The following ACAN variants were observed in gnomAD, a reference collection of about 807,000 sequenced individuals.
ACAN encodes the protein aggrecan core protein.
Under a neutral mutation model 169.1 loss-of-function variants are expected in ACAN, and 47 were observed. The ratio of observed to expected loss-of-function variants is 0.28; its 90% CI spans 0.22 to 0.35. The LOEUF (loss-of-function observed/expected upper bound fraction) is 0.35. ACAN is among the 10% of genes least tolerant of loss of function. ACAN has a pLI of 1.00. For synonymous variants in ACAN, 1,115 were observed against 1,112.2 expected (o/e 1.00, Z -0.05); for missense variants, 2,716 against 2,759.9 (o/e 0.98, Z 0.36).
intron 1 of ACAN, among the ~76,000 whole-genome samples, chr15:88,835,831 C>T (rs890700251): frequency 7.2e-5 from 11 of 152,282 alleles, no homozygotes; most frequent in African/African-American, 2.4e-4. Context: ...TCAATCTCAT[C>T]CAGAAACACC....
At chr15:88,825,513 A>G (rs1393302806) in intron 1 of ACAN, among the ~76,000 whole-genome samples, 2 of 152,218 alleles carry the variant, frequency 1.3e-5, no homozygotes, top group Non-Finnish European at 2.9e-5. Context: ...TGTTCTTAAG[A>G]TACCCACCTT....
intron 1 of ACAN, among the ~76,000 whole-genome samples, chr15:88,821,334 G>T (rs1468671589): frequency 6.6e-6 from 1 of 152,124 alleles, no homozygotes; most frequent in Non-Finnish European, 1.5e-5. Flanking sequence ...GAAGGGTTGG[G>T]GGATGAGGGG....
chr15:88,832,644 G>A (rs965533583), intron 1 of ACAN, among the ~76,000 whole-genome samples: 8 of 152,140 alleles, frequency 5.3e-5, no homozygotes, highest in Non-Finnish European at 4.4e-5. Flanking sequence ...TGTAGATGAT[G>A]GTCATTTTTT....
rs1346158582 is a variant in ACAN, at chr15:88,847,925, G to A, written c.1619G>A (p.Ser540Asn). 4.3e-6 allele frequency: 7 copies of A among 1,613,562 alleles called. No homozygotes were observed. In the Admixed American group the frequency reaches 8.3e-5, roughly 19 times the overall value. ...RDQTVRYPIV[S>N]PRTPCVGDKD... ...CTCCTTTGCAGATACCCCATTGTGA[G>A]CCCCCGGACCCCATGCGTGGGTGAC... The change falls in exon 9 of 19, where the codon AGC becomes AAC. Residue 540 changes from serine to asparagine, a missense_variant. Physicochemically the swap from Ser to Asn is conservative, Grantham distance 46. Around this residue, in one of 3 missense-constraint regions of ACAN, gnomAD observed 1,283 missense variants for 1,281.5 expected, o/e 1.00. Coordinates refer to ENST00000560601, the MANE Select transcript of ACAN (RefSeq NM_001369268.1).
In ACAN at chr15:88,872,183, C is replaced by G; in HGVS notation, c.7302+98C>G. 1 of 1,059,580 alleles carries G rather than the reference C, an allele frequency of 9.4e-7. No homozygotes were observed. The allele number at this position is 1,059,580 out of a possible 1,614,324, so 65.6% of individuals were successfully genotyped here. ...CATTCAAACCCCATGCAGACAGCCG[C>G]TTACCAGCTGCTGGACCGGGAACCC... On this transcript the variant is annotated intron_variant, in intron 16 of 18. Coordinates refer to ENST00000560601, the MANE Select transcript of ACAN (RefSeq NM_001369268.1). The surrounding 1 kb of genome is among the most constrained non-coding windows in gnomAD (Gnocchi z 5.4).
In ACAN at chr15:88,870,994, G is replaced by T. The variant is rs755855081; in HGVS notation, c.7061-388G>T. ...CCACAGCTCCACTCCCTCTCTCCCT[G>T]GAGCCCCCCAGAGCCACAGAACCAT... is the stretch of plus-strand genomic sequence containing the variant. On this transcript the variant is annotated intron_variant, in intron 14 of 18. Coordinates refer to ENST00000560601, the MANE Select transcript of ACAN (RefSeq NM_001369268.1). The surrounding 1 kb of genome is among the most constrained non-coding windows in gnomAD (Gnocchi z 6.3). Among the ~76,000 whole-genome samples, 1 of 152,070 alleles carries T rather than the reference G, an allele frequency of 6.6e-6. No individual in the cohort carries two copies. The highest frequency in any genetic ancestry group is 2.4e-5 in the African/African-American group (1 of 41,382).
At chr15:88,837,715 C>A (rs1896539630) in intron 2 of ACAN, among the ~76,000 whole-genome samples, 1 of 152,304 alleles carries the variant, frequency 6.6e-6, no homozygotes, top group Non-Finnish European at 1.5e-5. Context: ...GCCAGTGGGA[C>A]TGCCCAGGAC....
chr15:88,853,631 C>T (rs577311548), intron 11 of ACAN, among the ~76,000 whole-genome samples: 1 of 151,904 alleles, frequency 6.6e-6, no homozygotes, highest in South Asian at 2.1e-4. Context: ...GAGCAAGACC[C>T]TCTCTCCAAA....
At chr15:88,806,115 G>T (rs1297476431) in intron 1 of ACAN, among the ~76,000 whole-genome samples, 1 of 152,248 alleles carries the variant, frequency 6.6e-6, no homozygotes, top group South Asian at 2.1e-4. Context: ...CCTCCCAGAG[G>T]CTTCATTTCC....
At position 88,858,820 on chromosome 15, in the gene ACAN, A is replaced by G. The variant is rs1042630; in HGVS notation, c.6235A>G (p.Ile2079Val). Residue 2079 changes from isoleucine to valine, a missense_variant, in exon 12 of 19, where the codon ATT becomes GTT. This residue lies in a region of ACAN where 1,389 missense variants were observed against 1,363.7 expected (regional missense o/e 1.02). Transcript: ENST00000560601. This position sits in a 1 kb window ranked among gnomAD's most constrained non-coding sequence, Gnocchi z 4.0. ...SSGKVSTAGD[I>V]SGATPVLPGS... ...TGGAAAAGTCTCCACAGCTGGGGAC[A>G]TTAGTGGAGCTACCCCAGTGCTCCC... 0.72 allele frequency: 1,167,394 copies of G among 1,613,360 alleles called. 425,940 individuals carry two copies. The highest frequency in any genetic ancestry group is 0.75 in the Non-Finnish European group (888,462 of 1,179,682).
At position 88,868,471 on chromosome 15, in the gene ACAN, T is replaced by C; in HGVS notation, c.7060+142T>C. On this transcript the variant is annotated intron_variant, in intron 14 of 18. Coordinates refer to ENST00000560601, the MANE Select transcript of ACAN (RefSeq NM_001369268.1). This position sits in a 1 kb window ranked among gnomAD's most constrained non-coding sequence, Gnocchi z 5.2. ...GGAGAGCCATTTCAGGGGCCACAACTGAAAATTCTGCCCCACTGATTCCCA... is the reference window on the plus strand; with the variant it reads ...GGAGAGCCATTTCAGGGGCCACAACCGAAAATTCTGCCCCACTGATTCCCA... 1 of 587,382 alleles carries C rather than the reference T, an allele frequency of 1.7e-6. No individual in the cohort carries two copies. Among genetic ancestry groups the C allele is most frequent in the Non-Finnish European group, 3.0e-6 (1 of 330,400 alleles). 36.4% of individuals were successfully genotyped at this position (587,382 alleles called of 1,614,324 possible). A position where few individuals can be genotyped will look rare whatever the true frequency, so the allele number is the denominator to read the frequency against.
At chr15:88,822,653 C>T (rs1896106083) in intron 1 of ACAN, among the ~76,000 whole-genome samples, 1 of 152,016 alleles carries the variant, frequency 6.6e-6, no homozygotes. Flanking sequence ...AGGCTAGTCT[C>T]GAACTCCTGA....
chr15:88,858,623 A>G lies in ACAN; in HGVS notation c.6038A>G (p.Asn2013Ser), dbSNP rs372805764. ...AGTGGGGATTTTGCCAGCACCACCAATGTAAGTGGAGAATCCTCTGTAGCC... is the reference window on the plus strand; with the variant it reads ...AGTGGGGATTTTGCCAGCACCACCAGTGTAAGTGGAGAATCCTCTGTAGCC... Reference protein sequence around the residue: ...YFSGDFASTTNVSGESSVAMG... With the variant: ...YFSGDFASTTSVSGESSVAMG... Residue 2013 changes from asparagine to serine, a missense_variant, in exon 12 of 19, where the codon AAT (asparagine) becomes AGT (serine). By Grantham distance (46) the Asn-to-Ser change is conservative. Transcript: ENST00000560601. This position sits in a 1 kb window ranked among gnomAD's most constrained non-coding sequence, Gnocchi z 4.0. The G allele has an allele frequency of 1.9e-5, 31 of 1,613,968 alleles. No individual in the cohort carries two copies. Among genetic ancestry groups the G allele is most frequent in the East Asian group, 6.7e-5 (3 of 44,884 alleles).
In ACAN at chr15:88,868,141, C is replaced by A; in HGVS notation, c.6947-75C>A. The A allele has an allele frequency of 1.5e-6, 1 of 666,720 alleles. No individual in the cohort carries two copies. The highest frequency in any genetic ancestry group is 1.7e-5 in the South Asian group (1 of 60,250). The allele number at this position is 666,720 out of a possible 1,614,324, so 41.3% of individuals were successfully genotyped here. A position where few individuals can be genotyped will look rare whatever the true frequency, so the allele number is the denominator to read the frequency against. Reference sequence around the variant, plus strand: ...CTGGAGAGCAGCAGGACTGGCCACTCAAAAGGAGGCCACAGTGCTTGTGAG... The same window carrying A: ...CTGGAGAGCAGCAGGACTGGCCACTAAAAAGGAGGCCACAGTGCTTGTGAG... On this transcript the variant is annotated intron_variant, in intron 13 of 18. Coordinates refer to ENST00000560601, the MANE Select transcript of ACAN (RefSeq NM_001369268.1). The surrounding 1 kb of genome is among the most constrained non-coding windows in gnomAD (Gnocchi z 5.2).
At chr15:88,848,193 G>C (rs1013163216) in intron 9 of ACAN, among the ~76,000 whole-genome samples, 155 bp downstream of exon 9, 2 of 152,116 alleles carry the variant, frequency 1.3e-5, no homozygotes, top group African/African-American at 4.8e-5. Context: ...AAAAAGGAAG[G>C]CCCCCAGCCC....
chr15:88,816,169 A>T (rs1397481820), intron 1 of ACAN, among the ~76,000 whole-genome samples: 1 of 152,198 alleles, frequency 6.6e-6, no homozygotes, highest in Non-Finnish European at 1.5e-5. Flanking sequence ...TAACAACCTC[A>T]TCTTAACTTG....
At chr15:88,853,055 G>T (rs372263811) in intron 11 of ACAN, among the ~76,000 whole-genome samples, 5 of 152,154 alleles carry the variant, frequency 3.3e-5, no homozygotes, top group African/African-American at 1.2e-4. Context: ...GAGCAGGGGA[G>T]AGTCTGACCT....
chr15:88,854,530 C>T (rs533277344), intron 11 of ACAN, among the ~76,000 whole-genome samples: 2 of 152,218 alleles, frequency 1.3e-5, no homozygotes, highest in South Asian at 4.1e-4. Flanking sequence ...GATGGTGGCC[C>T]CCGCATCTCA....
At chr15:88,867,505 G>A (rs1440723047) in intron 13 of ACAN, among the ~76,000 whole-genome samples, 1 of 152,196 alleles carries the variant, frequency 6.6e-6, no homozygotes, top group Non-Finnish European at 1.5e-5. Context: ...GCTGAAAGGA[G>A]ATTATATGGG....
Sources: gnomAD v4.1 joint callset for allele counts (sites outside exome capture counted in the v4.1 genomes callset) on GRCh38, gnomAD v4.1.1 for gene constraint, gnomAD v4.1.1 regional missense constraint, Gnocchi (gnomAD v3.1) non-coding constraint, MANE v1.5 for transcripts, NCBI Gene and HGNC (gene_info 2026-07-23, HGNC 2026-07-21) for gene names.